The following AMBP variants were observed in gnomAD, a reference collection of about 807,000 sequenced individuals.
The protein encoded by AMBP is protein AMBP.
In AMBP, 37 loss-of-function variants were observed where a neutral mutation model predicts 46.3. The ratio of observed to expected loss-of-function variants is 0.80; its 90% CI spans 0.61 to 1.05. The LOEUF (loss-of-function observed/expected upper bound fraction) is 1.05, where lower values mean the gene tolerates loss of function less well. Ranked by LOEUF, AMBP falls within the 50% of genes least tolerant of loss-of-function variation. The pLI, the probability that AMBP is intolerant of heterozygous loss-of-function variation, is 0.00. For synonymous variants in AMBP, 174 were observed against 175.9 expected, an observed-to-expected ratio of 0.99 and a Z score of 0.09; for missense variants, 475 against 461.2, an observed-to-expected ratio of 1.03 and a Z score of -0.27.
rs750288262 is a variant in AMBP, at chr9:114,060,943, A to C, written c.1009T>G (p.Cys337Gly). Residue 337 changes from cysteine to glycine, a missense_variant, in exon 9 of 10, where the codon TGC becomes GGC. By Grantham distance (159) the Cys-to-Gly change is radical (BLOSUM62 -3). This residue lies in a region of AMBP where 293 missense variants were observed against 276.9 expected (regional missense o/e 1.06). Transcript: ENST00000265132. ...FYSEKECREYCGVPGDGDEEL... is the reference protein window; with the variant it reads ...FYSEKECREYGGVPGDGDEEL... ...TGCCTACCATCACCAGGGACACCGC[A>C]GTACTCTCTGCACTCCTTCTCTGAG... The C allele has an allele frequency of 1.9e-6, 3 of 1,614,114 alleles. No homozygotes were observed. In the Admixed American group the frequency reaches 5.0e-5, roughly 27 times the overall value.
intron 4 of AMBP, among the ~76,000 whole-genome samples, chr9:114,073,564 C>T (rs1284547773): frequency 6.8e-6 from 1 of 146,836 alleles, no homozygotes; most frequent in African/African-American, 2.5e-5. Flanking sequence ...GTGGCACAAT[C>T]ATGGCTCATT....
chr9:114,069,698 C>G lies in AMBP; in HGVS notation c.603+1G>C, dbSNP rs112523532. 3.7e-6 allele frequency: 6 copies of G among 1,613,070 alleles called. No homozygotes were observed. The highest frequency in any genetic ancestry group is 5.1e-6 in the Non-Finnish European group (6 of 1,179,820). ...ATGGGGTCGGGGGATGAGGCACTCA[C>G]CGGGATTAAGATGGGCTCTGGTTCC... On this transcript the variant is annotated splice_donor_variant, in intron 6 of 9. Transcript: ENST00000265132. LOFTEE classifies it high-confidence loss of function.
At chr9:114,064,120 G>A (rs1351281524) in intron 6 of AMBP, among the ~76,000 whole-genome samples, 1 of 152,124 alleles carries the variant, frequency 6.6e-6, no homozygotes, top group Non-Finnish European at 1.5e-5. Flanking sequence ...GTAACCCAGG[G>A]ATCCTTCACT....
intron 7 of AMBP, 34 bp downstream of exon 7, chr9:114,062,643 T>C (rs770262059): frequency 6.2e-7 from 1 of 1,606,712 alleles, no homozygotes; most frequent in Non-Finnish European, 8.5e-7. Flanking sequence ...TTCTGGAGTA[T>C]GGCAGAGGGG....
At chr9:114,077,445 A>T (rs1017978601) in intron 1 of AMBP, 1 of 152,982 alleles carries the variant, frequency 6.5e-6, no homozygotes, top group Non-Finnish European at 1.5e-5. Flanking sequence ...TCTCAAAGCC[A>T]CCCCGGGATT....
In AMBP at chr9:114,063,185, A is replaced by G. The variant is rs200685616; in HGVS notation, c.604-427T>C. The stretch of plus-strand genomic sequence containing the variant: ...CAGATCATCATTAGCTGCTTGCAGA[A>G]AAAAAAAAAAATCCAGAGAGAAAGA... On this transcript the variant is annotated intron_variant, in intron 6 of 9. Coordinates refer to ENST00000265132, the MANE Select transcript of AMBP (RefSeq NM_001633.4). 4.6e-3 allele frequency among the ~76,000 whole-genome samples: 691 copies of G among 149,738 alleles called. 9 individuals are homozygous for G. The highest frequency in any genetic ancestry group is 0.033 in the East Asian group (170 of 5,126).
chr9:114,073,170 A>C, intron 4 of AMBP, 144 bp from the exon 5 acceptor site: 1 of 702,896 alleles, frequency 1.4e-6, no homozygotes, highest in South Asian at 2.0e-5. Flanking sequence ...CACTGAAGGA[A>C]AGACAGGCTC....
At chr9:114,066,121 A>C (rs528498341) in intron 6 of AMBP, among the ~76,000 whole-genome samples, 5 of 152,322 alleles carry the variant, frequency 3.3e-5, no homozygotes, top group African/African-American at 9.6e-5. Context: ...ATTAGGGCTC[A>C]GCCCCTTTGC....
chr9:114,060,384 AG>A, intron 9 of AMBP, 114 bp from the exon 10 acceptor site: 1 of 1,128,102 alleles, frequency 8.9e-7, no homozygotes, highest in Non-Finnish European at 1.3e-6. Context: ...TTATCTCCAA[AG>A]GGTATTCCAT....
chr9:114,075,865 G>A (rs1179005036), intron 2 of AMBP, among the ~76,000 whole-genome samples: 3 of 152,194 alleles, frequency 2.0e-5, no homozygotes, highest in African/African-American at 7.2e-5. Flanking sequence ...GAAATGAGGA[G>A]AGGTGCTCCC....
At chr9:114,068,602 T>C (rs1217567940) in intron 6 of AMBP, among the ~76,000 whole-genome samples, 1 of 151,526 alleles carries the variant, frequency 6.6e-6, no homozygotes, top group African/African-American at 2.4e-5. Context: ...TGGGACTCTG[T>C]CTCAATTAAA....
At chr9:114,078,055 CACCACATCCACCCT>C in intron 1 of AMBP, 24 bp downstream of exon 1, 1 of 1,606,660 alleles carries the variant, frequency 6.2e-7, no homozygotes, top group Non-Finnish European at 8.5e-7. Flanking sequence ...GACTCCCCAT[CACCACATCCACCCT>C]ACCACAGAGA....
Position 114,074,217 on chromosome 9 carries a change from C to T in AMBP, c.338-65G>A, listed in dbSNP as rs1485309016. The T allele has an allele frequency of 2.4e-5, 31 of 1,296,148 alleles. 1 individual carries two copies. Among genetic ancestry groups the T allele is most frequent in the South Asian group, 2.2e-4 (18 of 82,874 alleles). 80.3% of individuals were successfully genotyped at this position (1,296,148 alleles called of 1,614,324 possible). On this transcript the variant is annotated intron_variant, in intron 3 of 9. Coordinates refer to ENST00000265132, the MANE Select transcript of AMBP (RefSeq NM_001633.4). The stretch of plus-strand genomic sequence containing the variant: ...CAGTAGACTCTTCTAGCTGGAGGTC[C>T]GTCACCTGTTTACTCACACATCATC...
At chr9:114,064,191 T>A (rs1223110680) in intron 6 of AMBP, among the ~76,000 whole-genome samples, 4 of 152,232 alleles carry the variant, frequency 2.6e-5, no homozygotes, top group Admixed American at 2.0e-4. Context: ...TTGCAAGGAT[T>A]CAGACATTTG....
rs1846725421 is a variant in AMBP at position 114,069,749 on chromosome 9, G to C, written c.557-4C>G. On this transcript the variant is annotated splice_region_variant and splice_polypyrimidine_tract_variant and intron_variant, in intron 5 of 9. Transcript: ENST00000265132. ...TGCTCCCCAGGGACACATTCACCTA[G>C]GTCACAGAGCAGGAGAGAGGAGTGA... 1.2e-6 allele frequency: 2 copies of C among 1,614,126 alleles called. No individual in the cohort carries two copies. Among genetic ancestry groups the C allele is most frequent in the Non-Finnish European group, 1.7e-6 (2 of 1,180,008 alleles).
At chr9:114,062,328 C>T (rs79380144) in intron 7 of AMBP, among the ~76,000 whole-genome samples, 14,279 of 152,096 alleles carry the variant, frequency 0.094, 1,474 homozygotes, top group African/African-American at 0.26. Context: ...TGTCCCTCCC[C>T]GACTTCCTCC....
At chr9:114,074,537 A>G (rs1408443768) in intron 3 of AMBP, among the ~76,000 whole-genome samples, 1 of 152,236 alleles carries the variant, frequency 6.6e-6, no homozygotes, top group Non-Finnish European at 1.5e-5. Flanking sequence ...AAACATTCAT[A>G]TATTCAGCCG....
chr9:114,064,981 G>A (rs1320993882), intron 6 of AMBP, among the ~76,000 whole-genome samples: 2 of 152,184 alleles, frequency 1.3e-5, no homozygotes, highest in Non-Finnish European at 2.9e-5. Flanking sequence ...AGCAAAAATG[G>A]AGTTCACAGA....
intron 5 of AMBP, among the ~76,000 whole-genome samples, chr9:114,072,266 C>T (rs543946557): frequency 1.2e-4 from 18 of 152,300 alleles, no homozygotes; most frequent in Middle Eastern, 3.4e-3. Context: ...CATTCCCTGG[C>T]GCCAGCTGGG....
Sources: gnomAD v4.1 joint callset for allele counts (sites outside exome capture counted in the v4.1 genomes callset) on GRCh38, gnomAD v4.1.1 for gene constraint, gnomAD v4.1.1 regional missense constraint, MANE v1.5 for transcripts, NCBI Gene and HGNC (gene_info 2026-07-23, HGNC 2026-07-21) for gene names.